Variants in CMC1 observed in about 807,000 individuals in gnomAD.
CMC1 encodes C-X9-C motif containing 1, also known as COX assembly mitochondrial protein homolog.
In CMC1, 14 loss-of-function variants were observed where a neutral mutation model predicts 14.1. The ratio of observed to expected loss-of-function variants is 0.99; its 90% CI spans 0.66 to 1.55. The LOEUF is 1.55. Among genes scored for constraint, CMC1 ranks in the 40% most tolerant of loss-of-function variants. The pLI is 0.00. For synonymous variants in CMC1, 50 were observed against 38.4 expected (o/e 1.30, Z -1.12); for missense variants, 127 against 123.8 (o/e 1.03, Z -0.12).
intron 2 of CMC1, among the ~76,000 whole-genome samples, chr3:28,277,330 A>C (rs1700633153): frequency 6.6e-6 from 1 of 152,188 alleles, no homozygotes; most frequent in South Asian, 2.1e-4. Context: ...ATCACTAAAA[A>C]TATAATTTTA....
At chr3:28,314,078 G>A (rs937460804) in intron 2 of CMC1, among the ~76,000 whole-genome samples, 7 of 152,200 alleles carry the variant, frequency 4.6e-5, no homozygotes, top group Non-Finnish European at 1.5e-5. Context: ...GAACATGGCA[G>A]TTCTCTTAAA....
chr3:28,304,892 A>G (rs889181429), intron 2 of CMC1, among the ~76,000 whole-genome samples: 14 of 152,160 alleles, frequency 9.2e-5, no homozygotes, highest in Non-Finnish European at 7.4e-5. Flanking sequence ...CTGACTCCAT[A>G]TAGCTCTAAT....
chr3:28,263,235 C>A, intron 1 of CMC1, 56 bp from the exon 2 acceptor site: 1 of 1,279,482 alleles, frequency 7.8e-7, no homozygotes, highest in South Asian at 1.3e-5. Context: ...CTTATTTTTC[C>A]TTTAATCTGG....
chr3:28,269,143 T>C (rs1700147137), intron 2 of CMC1, among the ~76,000 whole-genome samples: 1 of 152,180 alleles, frequency 6.6e-6, no homozygotes, highest in Non-Finnish European at 1.5e-5. Flanking sequence ...AAACATAGTA[T>C]ACATAGGATT....
rs1188338358 is a variant in CMC1 at position 28,322,289 on chromosome 3, A to G, written c.*2660A>G. On this transcript the variant is annotated 3_prime_UTR_variant, in exon 4 of 4. Transcript: ENST00000466830. ...AACAAATGTCTATTGTATGAATCATATTAACAACCAACAATTAGTACTAGA... is the reference window on the plus strand; with the variant it reads ...AACAAATGTCTATTGTATGAATCATGTTAACAACCAACAATTAGTACTAGA... The G allele has an allele frequency of 6.6e-6, 1 of 151,316 alleles. No individual in the cohort carries two copies. The highest frequency in any genetic ancestry group is 1.5e-5 in the Non-Finnish European group (1 of 67,450). The allele number at this position is 151,316 out of a possible 1,614,324, so 9.4% of individuals were successfully genotyped here.
At chr3:28,267,642 C>T (rs971747836) in intron 2 of CMC1, among the ~76,000 whole-genome samples, 8 of 152,156 alleles carry the variant, frequency 5.3e-5, no homozygotes, top group Non-Finnish European at 1.2e-4. Context: ...TTTGAAACAT[C>T]ACAGAGCTGT....
Position 28,319,687 on chromosome 3 carries a change from C to CA in CMC1, c.*58_*59insA. On this transcript the variant is annotated 3_prime_UTR_variant, in exon 4 of 4. Coordinates refer to ENST00000466830, the MANE Select transcript of CMC1 (RefSeq NM_182523.2). ...TATTCATGGAAGTCATTTTATAGTC[C>CA]TTAAATAATGGACTCAAGCATATAT... The CA allele has an allele frequency of 2.8e-6, 4 of 1,413,554 alleles. No homozygotes were observed. Among genetic ancestry groups the CA allele is most frequent in the Non-Finnish European group, 3.9e-6 (4 of 1,036,862 alleles). 87.6% of individuals were successfully genotyped at this position (1,413,554 alleles called of 1,614,324 possible).
intron 2 of CMC1, among the ~76,000 whole-genome samples, chr3:28,279,069 C>T (rs377174170): frequency 6.6e-6 from 1 of 152,264 alleles, no homozygotes. Flanking sequence ...ATTCCTTCTG[C>T]AGAAAACTAC....
rs181599218 is a variant in CMC1, at chr3:28,312,883, G to T, written c.110-3450G>T. On this transcript the variant is annotated intron_variant, in intron 2 of 3. Coordinates refer to ENST00000466830, the MANE Select transcript of CMC1 (RefSeq NM_182523.2). ...TTTTAAATTTTTTTTTTGAGACGGA[G>T]TCTCACTCTGTTGCCCAGGCTGGAG... 2.0e-4 allele frequency among the ~76,000 whole-genome samples: 30 copies of T among 151,972 alleles called. No individual in the cohort carries two copies. In the East Asian group the frequency reaches 5.6e-3, roughly 28 times the overall value.
At chr3:28,312,130 A>G (rs1009893705) in intron 2 of CMC1, among the ~76,000 whole-genome samples, 2 of 152,200 alleles carry the variant, frequency 1.3e-5, no homozygotes, top group African/African-American at 2.4e-5. Flanking sequence ...AATATTGCCT[A>G]TAGCTTATAT....
chr3:28,293,945 T>C (rs1401229448), intron 2 of CMC1, among the ~76,000 whole-genome samples: 1 of 152,110 alleles, frequency 6.6e-6, no homozygotes, highest in African/African-American at 2.4e-5. Context: ...TTAACTGTCT[T>C]CCTAAGACCT....
At chr3:28,271,845 C>T (rs1198732572) in intron 2 of CMC1, among the ~76,000 whole-genome samples, 1 of 152,158 alleles carries the variant, frequency 6.6e-6, no homozygotes. Flanking sequence ...GACATTGATT[C>T]TTCCTATCCA....
intron 1 of CMC1, among the ~76,000 whole-genome samples, chr3:28,248,435 A>T (rs1473370270): frequency 1.3e-5 from 2 of 152,340 alleles, no homozygotes; most frequent in East Asian, 3.9e-4. Flanking sequence ...CCTTAATGAC[A>T]TAATATGAGG....
chr3:28,244,160 T>C (rs1025618524), intron 1 of CMC1, among the ~76,000 whole-genome samples: 1 of 152,240 alleles, frequency 6.6e-6, no homozygotes, highest in East Asian at 1.9e-4. Context: ...ATTTGGATTT[T>C]TTCTAATGGC....
intron 2 of CMC1, among the ~76,000 whole-genome samples, chr3:28,277,718 C>G (rs1395114926): frequency 6.6e-6 from 1 of 152,094 alleles, no homozygotes; most frequent in African/African-American, 2.4e-5. Context: ...GAAGAATGAT[C>G]TTGGCAGAAG....
intron 2 of CMC1, among the ~76,000 whole-genome samples, chr3:28,290,829 G>T (rs184335649): frequency 6.6e-6 from 1 of 151,874 alleles, no homozygotes; most frequent in Non-Finnish European, 1.5e-5. Context: ...TGGCTTAAAA[G>T]AGCACATATT....
intron 3 of CMC1, 54 bp from the exon 4 acceptor site, chr3:28,319,455 A>C: frequency 6.8e-7 from 1 of 1,461,564 alleles, no homozygotes. Context: ...GTAAGCTTAC[A>C]TTTAACACAT....
At chr3:28,291,080 G>T (rs553979269) in intron 2 of CMC1, among the ~76,000 whole-genome samples, 2 of 152,080 alleles carry the variant, frequency 1.3e-5, no homozygotes, top group East Asian at 1.9e-4. Flanking sequence ...TTTCCACATG[G>T]CAGTTTACTT....
At chr3:28,314,305 C>T (rs757428418) in intron 2 of CMC1, among the ~76,000 whole-genome samples, 1 of 152,178 alleles carries the variant, frequency 6.6e-6, no homozygotes, top group Non-Finnish European at 1.5e-5. Context: ...TACCCTTCAG[C>T]GTCTCCACTG....
Sources: gnomAD v4.1 joint callset for allele counts (sites outside exome capture counted in the v4.1 genomes callset) on GRCh38, gnomAD v4.1.1 for gene constraint, MANE v1.5 for transcripts, NCBI Gene and HGNC (gene_info 2026-07-23, HGNC 2026-07-21) for gene names.